Variants in SMC4 observed in about 807,000 individuals in gnomAD.
SMC4 encodes structural maintenance of chromosomes protein 4.
A neutral mutation model predicts 145.6 loss-of-function variants in SMC4; 87 were observed. That is an observed-to-expected ratio of 0.60 (90% CI 0.50 to 0.71). The LOEUF (loss-of-function observed/expected upper bound fraction) is 0.71, where lower values mean the gene tolerates loss of function less well. Among genes scored for constraint, SMC4 ranks in the 30% least tolerant of loss-of-function variants. The pLI is 0.00. For synonymous variants in SMC4, 558 were observed against 500.7 expected, an observed-to-expected ratio of 1.11 and a Z score of -1.53; for missense variants, 1,447 against 1,537.1, an observed-to-expected ratio of 0.94 and a Z score of 0.98.
chr3:160,427,982 A>G (rs982218386), intron 17 of SMC4, among the ~76,000 whole-genome samples: 4 of 152,144 alleles, frequency 2.6e-5, no homozygotes, highest in Non-Finnish European at 4.4e-5. Context: ...GTGGTGGCAC[A>G]TGCTTATAAT....
intron 5 of SMC4, chr3:160,404,962 T>C (rs1475780844): frequency 3.4e-6 from 1 of 293,412 alleles, no homozygotes. Context: ...AACCAAAAAA[T>C]GAAAAAATCT....
At chr3:160,402,549 T>C (rs1235605922) in intron 3 of SMC4, 127 bp from the exon 4 acceptor site, 1 of 912,668 alleles carries the variant, frequency 1.1e-6, no homozygotes, top group South Asian at 1.6e-5. Flanking sequence ...TGATTAGCAA[T>C]GAGAACTTTT....
chr3:160,432,854 T>G, intron 22 of SMC4, 172 bp from the exon 23 acceptor site: 1 of 592,292 alleles, frequency 1.7e-6, no homozygotes, highest in Non-Finnish European at 3.0e-6. Flanking sequence ...CTCCTATGTA[T>G]GCATCCTCCA....
At chr3:160,429,651 T>G (rs1378705568) in intron 18 of SMC4, among the ~76,000 whole-genome samples, 1 of 151,374 alleles carries the variant, frequency 6.6e-6, no homozygotes, top group Admixed American at 6.6e-5. Context: ...CCAGCCACCT[T>G]AAAATTTTAA....
At chr3:160,404,645 C>G (rs758766250) in intron 5 of SMC4, 141 bp downstream of exon 5, 18 of 816,844 alleles carry the variant, frequency 2.2e-5, no homozygotes, top group South Asian at 2.1e-4. Context: ...AGTCAAGATG[C>G]GAATCATTAT....
At chr3:160,415,989 A>G (rs954300573) in intron 9 of SMC4, among the ~76,000 whole-genome samples, 3 of 152,220 alleles carry the variant, frequency 2.0e-5, no homozygotes, top group Non-Finnish European at 4.4e-5. Flanking sequence ...GAGAAGGATG[A>G]CAGACCTGAG....
intron 18 of SMC4, among the ~76,000 whole-genome samples, chr3:160,429,195 G>A (rs1718109219): frequency 1.3e-5 from 2 of 152,064 alleles, no homozygotes; most frequent in South Asian, 4.1e-4. Flanking sequence ...GTTGCTGTGA[G>A]GGCATAGAAA....
chr3:160,414,676 C>T (rs1716402749), intron 9 of SMC4, 159 bp downstream of exon 9: 1 of 768,282 alleles, frequency 1.3e-6, no homozygotes, highest in Non-Finnish European at 2.1e-6. Flanking sequence ...CAAGGGAAAC[C>T]TTGCTTCTAC....
At position 160,417,812 on chromosome 3, in the gene SMC4, T is replaced by C. The variant is rs750095526; in HGVS notation, c.1527T>C (p.Tyr509=). The C allele has an allele frequency of 3.1e-6, 5 of 1,613,756 alleles. No homozygotes were observed. The highest frequency in any genetic ancestry group is 2.5e-6 in the Non-Finnish European group (3 of 1,179,840). ...TAGCCCAGTCAGAACTTGATATCTA[T>C]CTCAGTCGTCATAATACTGCAGTGT... ...MDVAQSELDI[Y]LSRHNTAVSQ... Residue 509 remains tyrosine (Y), a synonymous_variant, in exon 11 of 24, where the codon TAT becomes TAC. Transcript: ENST00000357388.
chr3:160,420,991 A>G (rs977256663), intron 13 of SMC4, 90 bp downstream of exon 13: 1 of 1,110,794 alleles, frequency 9.0e-7, no homozygotes, highest in African/African-American at 1.6e-5. Context: ...GTGCAGTGGC[A>G]TGATCTTGGC....
chr3:160,430,971 T>C, intron 19 of SMC4, 61 bp from the exon 20 acceptor site: 1 of 1,502,366 alleles, frequency 6.7e-7, no homozygotes, highest in Non-Finnish European at 9.0e-7. Flanking sequence ...TTCATCTCTG[T>C]AATGTGAAAA....
Position 160,434,637 on chromosome 3 carries a change from C to G in SMC4, c.*828C>G, listed in dbSNP as rs2108510832. 6.6e-6 allele frequency: 1 copy of G among 152,258 alleles called. No homozygotes were observed. The highest frequency in any genetic ancestry group is 2.1e-4 in the South Asian group (1 of 4,830). The allele number at this position is 152,258 out of a possible 1,614,324, so 9.4% of individuals were successfully genotyped here. A position where few individuals can be genotyped will look rare whatever the true frequency, so the allele number is the denominator to read the frequency against. On this transcript the variant is annotated 3_prime_UTR_variant, in exon 24 of 24. Coordinates refer to ENST00000357388, the MANE Select transcript of SMC4 (RefSeq NM_001002800.3). Reference sequence around the variant, plus strand: ...TAGTAATAAGTGGAAAGTAAGATACCTTGAGTAATGTTTGCCTATAAAATT... The same window carrying G: ...TAGTAATAAGTGGAAAGTAAGATACGTTGAGTAATGTTTGCCTATAAAATT...
At position 160,431,838 on chromosome 3, in the gene SMC4, T is replaced by C; in HGVS notation, c.3297+13T>C. 3 of 1,599,872 alleles carry C rather than the reference T, an allele frequency of 1.9e-6. No individual in the cohort carries two copies. The highest frequency in any genetic ancestry group is 1.7e-6 in the Non-Finnish European group (2 of 1,175,546). ...GTATAAAAAGAAGGTATGAATGAACTGTGTATGTATACTAGTTGGAGTTCT... is the reference window on the plus strand; with the variant it reads ...GTATAAAAAGAAGGTATGAATGAACCGTGTATGTATACTAGTTGGAGTTCT... On this transcript the variant is annotated intron_variant, in intron 21 of 23. Transcript: ENST00000357388.
intron 18 of SMC4, 77 bp from the exon 19 acceptor site, chr3:160,430,522 A>G (rs1718286326): frequency 1.6e-6 from 2 of 1,239,592 alleles, no homozygotes; most frequent in Admixed American, 2.7e-5. Flanking sequence ...AATTTCATGA[A>G]AAGTTCTTTA....
chr3:160,416,507 G>A, intron 10 of SMC4, 92 bp downstream of exon 10: 1 of 776,774 alleles, frequency 1.3e-6, no homozygotes, highest in South Asian at 3.0e-5. Flanking sequence ...AACCTGAACT[G>A]GTAAGTTTGG....
intron 5 of SMC4, among the ~76,000 whole-genome samples, chr3:160,409,345 C>T (rs908321495): frequency 5.4e-5 from 6 of 112,028 alleles, no homozygotes; most frequent in Admixed American, 5.0e-4. Flanking sequence ...TGTAAATATC[C>T]TGCCTTTAAA....
intron 18 of SMC4, 67 bp from the exon 19 acceptor site, chr3:160,430,532 A>G: frequency 3.0e-6 from 4 of 1,318,284 alleles, no homozygotes; most frequent in Non-Finnish European, 3.1e-6. Context: ...AAAGTTCTTT[A>G]GTAGGTTTTC....
rs150662581 is a variant in SMC4, at chr3:160,428,373, C to A, written c.2606-380C>A. On this transcript the variant is annotated intron_variant, in intron 17 of 23. Transcript: ENST00000357388. ...AGTTATGTTAGCAGAAGAAAATAAC[C>A]ACAATTTCTTCATTGTGGGCAAGTT... is the stretch of plus-strand genomic sequence containing the variant. Among the ~76,000 whole-genome samples, 682 of 152,202 alleles carry A rather than the reference C, an allele frequency of 4.5e-3. 6 individuals carry two copies. Among genetic ancestry groups the A allele is most frequent in the African/African-American group, 0.016 (658 of 41,524 alleles).
At chr3:160,421,774 A>G (rs1717204587) in intron 13 of SMC4, among the ~76,000 whole-genome samples, 1 of 152,110 alleles carries the variant, frequency 6.6e-6, no homozygotes, top group Non-Finnish European at 1.5e-5. Flanking sequence ...TAAAGTATGT[A>G]ATTTGGTGGG....
Sources: gnomAD v4.1 joint callset for allele counts (sites outside exome capture counted in the v4.1 genomes callset) on GRCh38, gnomAD v4.1.1 for gene constraint, MANE v1.5 for transcripts, NCBI Gene and HGNC (gene_info 2026-07-23, HGNC 2026-07-21) for gene names.